SEMA5A: variants seen among roughly 807,000 people sequenced by gnomAD.
SEMA5A encodes semaphorin-5A.
In SEMA5A, 55 loss-of-function variants were observed where a neutral mutation model predicts 135.5. The observed-to-expected ratio is 0.41, with a 90% CI of 0.33 to 0.51. SEMA5A has a LOEUF of 0.51. Ranked by LOEUF, SEMA5A falls within the 20% of genes least tolerant of loss-of-function variation. The probability of loss-of-function intolerance (pLI) is 0.37; values close to 1 mark genes in which losing one functional copy is unlikely to be tolerated. For synonymous variants in SEMA5A, 580 were observed against 546.5 expected (o/e 1.06, Z -0.85); for missense variants, 1,290 against 1,419.9 (o/e 0.91, Z 1.47).
rs113140904 is a variant in SEMA5A at position 9,546,023 on chromosome 5, C to T, written c.-614G>A. On this transcript the variant is annotated 5_prime_UTR_variant, in exon 1 of 23. Coordinates refer to ENST00000382496, the MANE Select transcript of SEMA5A (RefSeq NM_003966.3). Reference sequence around the variant, plus strand: ...CCACCCGCGGCGGGAAAGCAGCGCTCGGGAGCGGGCTCAGGGAGAGCAGCC... The same window carrying T: ...CCACCCGCGGCGGGAAAGCAGCGCTTGGGAGCGGGCTCAGGGAGAGCAGCC... The T allele has an allele frequency of 0.098, 14,888 of 152,208 alleles. 967 individuals are homozygous for T. The highest frequency in any genetic ancestry group is 0.15 in the Non-Finnish European group (9,879 of 68,022). The allele number at this position is 152,208 out of a possible 1,614,324, so 9.4% of individuals were successfully genotyped here.
intron 5 of SEMA5A, among the ~76,000 whole-genome samples, chr5:9,301,008 T>C (rs1014301832): frequency 6.6e-6 from 1 of 152,234 alleles, no homozygotes; most frequent in South Asian, 2.1e-4. Flanking sequence ...TAATTTGTTA[T>C]TGCATCCCTA....
At chr5:9,162,022 G>A (rs1239903513) in intron 11 of SEMA5A, among the ~76,000 whole-genome samples, 1 of 152,226 alleles carries the variant, frequency 6.6e-6, no homozygotes, top group African/African-American at 2.4e-5. Flanking sequence ...CTGTGGGAGT[G>A]AATGCCATGT....
At chr5:9,425,457 A>C (rs575026823) in intron 2 of SEMA5A, among the ~76,000 whole-genome samples, 1 of 152,306 alleles carries the variant, frequency 6.6e-6, no homozygotes, top group South Asian at 2.1e-4. Context: ...ATTTTCAAGA[A>C]AAGCAGTCAG....
intron 13 of SEMA5A, among the ~76,000 whole-genome samples, chr5:9,128,775 A>T (rs953132623): frequency 6.6e-6 from 1 of 152,202 alleles, no homozygotes. Flanking sequence ...AATCTGAAGC[A>T]CTGGTCTTCC....
intron 2 of SEMA5A, among the ~76,000 whole-genome samples, chr5:9,388,324 C>G (rs1348673150): frequency 6.6e-6 from 1 of 151,780 alleles, no homozygotes; most frequent in Admixed American, 6.6e-5. Context: ...CCTGGAGGAA[C>G]GATAAAAATA....
Position 9,253,667 on chromosome 5 carries a change from T to C in SEMA5A, c.271-15777A>G, listed in dbSNP as rs967771461. 6.6e-5 allele frequency among the ~76,000 whole-genome samples: 10 copies of C among 152,302 alleles called. No homozygotes were observed. In the East Asian group the frequency reaches 1.7e-3, roughly 26 times the overall value. On this transcript the variant is annotated intron_variant, in intron 5 of 22. Transcript: ENST00000382496. ...CAGGTGATTTAACAAACATATAGTG[T>C]TTCGTTATCCAATTTTAATAGAACC... is the stretch of plus-strand genomic sequence containing the variant.
chr5:9,405,125 G>A (rs147487004), intron 2 of SEMA5A, among the ~76,000 whole-genome samples: 5 of 152,106 alleles, frequency 3.3e-5, no homozygotes, highest in African/African-American at 9.7e-5. Context: ...TTCTGAGACC[G>A]TGTGCACATC....
intron 13 of SEMA5A, 109 bp downstream of exon 13, chr5:9,136,395 G>T (rs1414832012): frequency 3.3e-6 from 3 of 900,730 alleles, no homozygotes; most frequent in Non-Finnish European, 5.3e-6. Context: ...TGCAAAAATG[G>T]TTCTCATATG....
intron 15 of SEMA5A, among the ~76,000 whole-genome samples, chr5:9,117,907 G>A (rs893582547): frequency 3.9e-5 from 6 of 152,150 alleles, no homozygotes; most frequent in African/African-American, 1.2e-4. Context: ...GACACACCCT[G>A]CTTGGTAAAA....
At chr5:9,382,741 G>T (rs1479410713) in intron 2 of SEMA5A, among the ~76,000 whole-genome samples, 1 of 152,148 alleles carries the variant, frequency 6.6e-6, no homozygotes, top group Non-Finnish European at 1.5e-5. Context: ...AATTTGCAAA[G>T]GAACCAAGAA....
At position 9,197,311 on chromosome 5, in the gene SEMA5A, C is replaced by T. The variant is rs368790781; in HGVS notation, c.933-8G>A. On this transcript the variant is annotated splice_polypyrimidine_tract_variant and splice_region_variant and intron_variant, in intron 9 of 22. Transcript: ENST00000382496. The stretch of plus-strand genomic sequence containing the variant: ...GAGGCCGCAATGCTGTTCCTGGGAG[C>T]GGAGGGAGAGAGAGAAGGCAGTCAG... 293 of 1,591,142 alleles carry T rather than the reference C, an allele frequency of 1.8e-4. No individual in the cohort carries two copies. Among genetic ancestry groups the T allele is most frequent in the Middle Eastern group, 1.0e-3 (6 of 5,872 alleles).
At chr5:9,148,187 T>A (rs1742443786) in intron 12 of SEMA5A, among the ~76,000 whole-genome samples, 1 of 152,210 alleles carries the variant, frequency 6.6e-6, no homozygotes, top group South Asian at 2.1e-4. Flanking sequence ...GGGTACAGAT[T>A]AACCTATGTA....
intron 11 of SEMA5A, among the ~76,000 whole-genome samples, chr5:9,172,205 C>T (rs541316630): frequency 2.0e-5 from 3 of 152,260 alleles, no homozygotes; most frequent in Non-Finnish European, 2.9e-5. Flanking sequence ...TTATCCAATC[C>T]GTGCACAGAG....
intron 10 of SEMA5A, among the ~76,000 whole-genome samples, chr5:9,192,335 C>T (rs1003654385): frequency 1.3e-5 from 2 of 152,228 alleles, no homozygotes; most frequent in African/African-American, 4.8e-5. Context: ...ACTGTGAGAC[C>T]AGCTGAGATA....
At chr5:9,244,254 C>A (rs776657328) in intron 5 of SEMA5A, among the ~76,000 whole-genome samples, 10 of 152,196 alleles carry the variant, frequency 6.6e-5, no homozygotes, top group Non-Finnish European at 1.2e-4. Context: ...TTAAGCCCTA[C>A]CGGGGCTTCC....
chr5:9,293,357 T>C (rs879087849), intron 5 of SEMA5A, among the ~76,000 whole-genome samples: 9 of 152,330 alleles, frequency 5.9e-5, no homozygotes, highest in Admixed American at 1.3e-4. Context: ...TTGAGTGTCT[T>C]TTACTTCTTA....
In SEMA5A at chr5:9,321,119, C is replaced by G. The variant is rs550241193; in HGVS notation, c.225-2702G>C. ...TGAGATCTGATGGTTTTATAAGCAT[C>G]TGGCATTTCCCCTGCTTGCATTTCT... On this transcript the variant is annotated intron_variant, in intron 4 of 22. Transcript: ENST00000382496. Among the ~76,000 whole-genome samples, 6 of 152,228 alleles carry G rather than the reference C, an allele frequency of 3.9e-5. No homozygotes were observed. In the East Asian group the frequency reaches 1.2e-3, roughly 29 times the overall value.
intron 5 of SEMA5A, among the ~76,000 whole-genome samples, chr5:9,272,467 C>A (rs1750027580): frequency 6.6e-6 from 1 of 152,112 alleles, no homozygotes; most frequent in African/African-American, 2.4e-5. Flanking sequence ...TGCCTGATGG[C>A]TCTGAAGAGA....
chr5:9,544,067 A>G (rs1738240592), intron 1 of SEMA5A, among the ~76,000 whole-genome samples: 1 of 152,204 alleles, frequency 6.6e-6, no homozygotes, highest in Non-Finnish European at 1.5e-5. Context: ...CTAATTAGGT[A>G]TTGAAAAATC....
Sources: allele counts gnomAD v4.1 joint callset (sites outside exome capture counted in the v4.1 genomes callset), GRCh38; gene constraint gnomAD v4.1.1; transcripts MANE v1.5; gene names NCBI Gene and HGNC (gene_info 2026-07-23, HGNC 2026-07-21).